The following MTMR7 variants were observed in gnomAD, a reference collection of about 807,000 sequenced individuals.
MTMR7 encodes phosphatidylinositol-3-phosphate phosphatase MTMR7.
Under a neutral mutation model 81.2 loss-of-function variants are expected in MTMR7, and 76 were observed. The observed-to-expected ratio is 0.94, with a 90% CI of 0.78 to 1.13. The LOEUF (loss-of-function observed/expected upper bound fraction) is 1.13, where lower values mean the gene tolerates loss of function less well. Among genes scored for constraint, MTMR7 ranks in the 50% most tolerant of loss-of-function variants. The pLI, the probability that MTMR7 is intolerant of heterozygous loss-of-function variation, is 0.00. For missense variants in MTMR7, 1,044 were observed against 820.0 expected, an observed-to-expected ratio of 1.27 and a Z score of -3.34; for synonymous variants, 372 against 289.8, an observed-to-expected ratio of 1.28 and a Z score of -2.88.
chr8:17,394,665 T>C (rs1444801733), intron 1 of MTMR7, among the ~76,000 whole-genome samples: 1 of 152,216 alleles, frequency 6.6e-6, no homozygotes, highest in East Asian at 1.9e-4. Context: ...AAATGTATAC[T>C]TTTAAATGAT....
At chr8:17,338,639 A>C (rs998182241) in intron 6 of MTMR7, 3 of 152,156 alleles carry the variant, frequency 2.0e-5, no homozygotes, top group African/African-American at 7.2e-5. Flanking sequence ...AAACACAATG[A>C]GCCAGAGAGA....
intron 3 of MTMR7, among the ~76,000 whole-genome samples, chr8:17,365,468 A>C (rs1469492979): frequency 2.0e-5 from 3 of 152,060 alleles, no homozygotes; most frequent in African/African-American, 7.2e-5. Flanking sequence ...CCCTCACCTG[A>C]TTTTCTACCC....
Position 17,299,746 on chromosome 8 carries a change from T to G in MTMR7, c.*116A>C. On this transcript the variant is annotated 3_prime_UTR_variant, in exon 14 of 14. Coordinates refer to ENST00000180173, the MANE Select transcript of MTMR7 (RefSeq NM_004686.5). ...CTTTTTTCCCTTTTCATAGCTGCAT[T>G]AAAGTAGTTCTCAATGACATGCACC... The G allele has an allele frequency of 7.0e-7, 1 of 1,431,676 alleles. No homozygotes were observed. The highest frequency in any genetic ancestry group is 9.5e-7 in the Non-Finnish European group (1 of 1,056,148). The allele number at this position is 1,431,676 out of a possible 1,614,324, so 88.7% of individuals were successfully genotyped here.
At chr8:17,327,339 TG>T (rs1387905328) in intron 7 of MTMR7, among the ~76,000 whole-genome samples, 2 of 152,190 alleles carry the variant, frequency 1.3e-5, no homozygotes, top group African/African-American at 4.8e-5. Flanking sequence ...GGCACGATCA[TG>T]GCTTACTGCA....
intron 10 of MTMR7, among the ~76,000 whole-genome samples, chr8:17,306,453 C>G (rs964550198): frequency 7.9e-5 from 12 of 151,950 alleles, no homozygotes; most frequent in Non-Finnish European, 1.3e-4. Context: ...GCGGTTAAAG[C>G]TTATCACGTG....
rs1348707248 is a variant in MTMR7, at chr8:17,411,145, G to A, written c.24+2124C>T. On this transcript the variant is annotated intron_variant, in intron 1 of 13. Transcript: ENST00000180173. Reference sequence around the variant, plus strand: ...CCCTTAAAAATGTAAAACAAAAGGAGGATGTTATTTAACCTCAAGGAATCA... The same window carrying A: ...CCCTTAAAAATGTAAAACAAAAGGAAGATGTTATTTAACCTCAAGGAATCA... Among the ~76,000 whole-genome samples, 6 of 152,120 alleles carry A rather than the reference G, an allele frequency of 3.9e-5. No homozygotes were observed. The East Asian group carries it at 1.2e-3, about 29-fold the overall frequency.
At chr8:17,390,985 A>G (rs1821089953) in intron 1 of MTMR7, among the ~76,000 whole-genome samples, 1 of 152,214 alleles carries the variant, frequency 6.6e-6, no homozygotes, top group South Asian at 2.1e-4. Context: ...GTCTTCTCTA[A>G]TAACATAATT....
At chr8:17,305,192 G>C (rs1010608631) in intron 11 of MTMR7, among the ~76,000 whole-genome samples, 2 of 152,100 alleles carry the variant, frequency 1.3e-5, no homozygotes, top group African/African-American at 4.8e-5. Flanking sequence ...AATTAAATCT[G>C]ATAATGTTGT....
intron 6 of MTMR7, among the ~76,000 whole-genome samples, chr8:17,337,398 C>A (rs1270132050): frequency 6.8e-6 from 1 of 148,014 alleles, no homozygotes; most frequent in African/African-American, 2.5e-5. Flanking sequence ...GCCATTTTTA[C>A]AAGCTCAGCA....
intron 2 of MTMR7, among the ~76,000 whole-genome samples, chr8:17,371,643 C>T (rs2898465): frequency 0.073 from 11,176 of 152,168 alleles, 751 homozygotes; most frequent in East Asian, 0.32. Flanking sequence ...AGTTCTGTAT[C>T]AACATGGGAT....
chr8:17,304,746 C>CGTGTGT (rs10527892), intron 11 of MTMR7, among the ~76,000 whole-genome samples: 9 of 147,084 alleles, frequency 6.1e-5, no homozygotes, highest in South Asian at 2.1e-4. Flanking sequence ...GTGTTCGATT[C>CGTGTGT]GTGTGTGTGT....
chr8:17,300,247 A>C (rs1817028050), intron 13 of MTMR7, 23 bp from the exon 14 acceptor site: 1 of 1,583,626 alleles, frequency 6.3e-7, no homozygotes. Context: ...TAACAATTTC[A>C]GGGGAAAAAT....
At chr8:17,395,418 C>A (rs1018835742) in intron 1 of MTMR7, among the ~76,000 whole-genome samples, 1 of 152,066 alleles carries the variant, frequency 6.6e-6, no homozygotes, top group Admixed American at 6.6e-5. Flanking sequence ...GTTTTTAATT[C>A]TTTGGGGTAT....
In MTMR7 at chr8:17,371,026, C is replaced by G; in HGVS notation, c.310+11G>C. 6.2e-7 allele frequency: 1 copy of G among 1,605,496 alleles called. No individual in the cohort carries two copies. Among genetic ancestry groups the G allele is most frequent in the Non-Finnish European group, 8.5e-7 (1 of 1,176,348 alleles). ...AGGTTCCATATTAAATGCCGAGTTC[C>G]TCTGCCCTACCTGGCCTTGCAAGGC... On this transcript the variant is annotated intron_variant, in intron 3 of 13. Transcript: ENST00000180173.
intron 3 of MTMR7, 73 bp from the exon 4 acceptor site, chr8:17,361,347 T>C: frequency 6.4e-7 from 1 of 1,562,852 alleles, no homozygotes; most frequent in Admixed American, 1.7e-5. Flanking sequence ...GAAAACATTC[T>C]GTCCCACCTG....
intron 1 of MTMR7, among the ~76,000 whole-genome samples, chr8:17,397,675 T>C (rs773916643): frequency 6.6e-6 from 1 of 152,180 alleles, no homozygotes; most frequent in Admixed American, 6.5e-5. Context: ...GACACATGCC[T>C]AACTGGCTTC....
At chr8:17,384,338 G>C (rs1820860920) in intron 1 of MTMR7, among the ~76,000 whole-genome samples, 1 of 152,140 alleles carries the variant, frequency 6.6e-6, no homozygotes, top group Non-Finnish European at 1.5e-5. Flanking sequence ...TTGAGCCCAG[G>C]AGTTTGAGGT....
At chr8:17,369,476 G>A (rs1159444397) in intron 3 of MTMR7, among the ~76,000 whole-genome samples, 1 of 152,058 alleles carries the variant, frequency 6.6e-6, no homozygotes, top group African/African-American at 2.4e-5. Flanking sequence ...GTTCATAATT[G>A]AACTTCTTGT....
At chr8:17,356,768 C>G (rs189650172) in intron 4 of MTMR7, among the ~76,000 whole-genome samples, 10 of 152,042 alleles carry the variant, frequency 6.6e-5, no homozygotes, top group African/African-American at 2.4e-4. Context: ...GCTATTAAAT[C>G]CACAGAATAA....
Sources: allele counts gnomAD v4.1 joint callset (sites outside exome capture counted in the v4.1 genomes callset), GRCh38; gene constraint gnomAD v4.1.1; transcripts MANE v1.5; gene names NCBI Gene and HGNC (gene_info 2026-07-23, HGNC 2026-07-21).